Variants in MRAP2 observed in about 807,000 individuals in gnomAD.
MRAP2 encodes melanocortin 2 receptor accessory protein 2.
A neutral mutation model predicts 17.4 loss-of-function variants in MRAP2; 20 were observed. The ratio of observed to expected loss-of-function variants is 1.15; its 90% CI spans 0.81 to 1.67. The LOEUF (loss-of-function observed/expected upper bound fraction) is 1.67. MRAP2 is among the 40% of genes most tolerant of loss of function. The probability of loss-of-function intolerance (pLI) is 0.00; values close to 1 mark genes in which losing one functional copy is unlikely to be tolerated. For synonymous variants in MRAP2, 96 were observed against 88.4 expected (o/e 1.09, Z -0.48); for missense variants, 238 against 240.0 (o/e 0.99, Z 0.05).
rs563934797 is a variant in MRAP2 at position 84,067,555 on chromosome 6, A to AT, written c.227+4569dup. On this transcript the variant is annotated intron_variant, in intron 3 of 3. Coordinates refer to ENST00000257776, the MANE Select transcript of MRAP2 (RefSeq NM_138409.4). Reference sequence around the variant, plus strand: ...CCATGCTAACATCTACTGTTTTTTGATTTTTTGATTATGGCCATTCTTGCA... The same window carrying AT: ...CCATGCTAACATCTACTGTTTTTTGATTTTTTTGATTATGGCCATTCTTGCA... Among the ~76,000 whole-genome samples the AT allele has an allele frequency of 2.9e-4, 44 of 152,040 alleles. No homozygotes were observed. The East Asian group carries it at 7.9e-3, about 27-fold the overall frequency.
the MRAP2 span, among the ~76,000 whole-genome samples, chr6:84,129,298 A>G: frequency 6.6e-6 from 1 of 151,998 alleles, no homozygotes; most frequent in Non-Finnish European, 1.5e-5. Context: ...ACTAATTTAC[A>G]CTCCCACCAA....
intron 3 of MRAP2, among the ~76,000 whole-genome samples, chr6:84,076,640 G>A (rs546742835): frequency 4.2e-4 from 64 of 152,106 alleles, no homozygotes; most frequent in Non-Finnish European, 7.8e-4. Flanking sequence ...GATTACAAAC[G>A]TGAGCCACTG....
At chr6:84,064,051 A>G (rs2099493872) in intron 3 of MRAP2, among the ~76,000 whole-genome samples, 1 of 150,378 alleles carries the variant, frequency 6.6e-6, no homozygotes, top group Non-Finnish European at 1.5e-5. Flanking sequence ...TCTAAAAAAA[A>G]GAAAAAGAAA....
chr6:84,109,140 G>A, the MRAP2 span, among the ~76,000 whole-genome samples: 1 of 152,122 alleles, frequency 6.6e-6, no homozygotes, highest in Non-Finnish European at 1.5e-5. Context: ...GCTTAGGATT[G>A]TCTTGGCTTT....
chr6:84,121,325 T>A, the MRAP2 span, among the ~76,000 whole-genome samples: 75 of 152,060 alleles, frequency 4.9e-4, no homozygotes, highest in Non-Finnish European at 4.0e-4. Context: ...AAATTAGAAA[T>A]CAATACCAAA....
At chr6:84,115,364 G>T in the MRAP2 span, among the ~76,000 whole-genome samples, 1 of 152,206 alleles carries the variant, frequency 6.6e-6, no homozygotes, top group African/African-American at 2.4e-5. Flanking sequence ...CAGCAGCTTT[G>T]TTTACACTGT....
the MRAP2 span, among the ~76,000 whole-genome samples, chr6:84,144,713 T>C: frequency 6.6e-6 from 1 of 152,058 alleles, no homozygotes; most frequent in African/African-American, 2.4e-5. Flanking sequence ...CAAGAATTAA[T>C]TACATGGGAC....
chr6:84,112,399 TTA>T, the MRAP2 span, among the ~76,000 whole-genome samples: 1 of 152,188 alleles, frequency 6.6e-6, no homozygotes, highest in Non-Finnish European at 1.5e-5. Context: ...ACAGGGGTGT[TTA>T]TAGTATTCTT....
At chr6:84,083,261 A>G (rs9449775) in intron 3 of MRAP2, among the ~76,000 whole-genome samples, 33,147 of 152,146 alleles carry the variant, frequency 0.22, 4,493 homozygotes, top group African/African-American at 0.38. Context: ...AACAGCCACC[A>G]TGCCTGGCCT....
At position 84,044,241 on chromosome 6, in the gene MRAP2, C is replaced by A. The variant is rs189586031; in HGVS notation, c.-8+10358C>A. On this transcript the variant is annotated intron_variant, in intron 1 of 3. Coordinates refer to ENST00000257776, the MANE Select transcript of MRAP2 (RefSeq NM_138409.4). ...CGCTCTTGTTGCCCAGGCTGGAGTG[C>A]AATGGCATGATCTCAGCTCACCGCC... Among the ~76,000 whole-genome samples the A allele has an allele frequency of 1.3e-3, 202 of 152,308 alleles. 1 individual carries two copies. The highest frequency in any genetic ancestry group is 4.1e-3 in the African/African-American group (170 of 41,578).
chr6:84,062,439 C>T lies in MRAP2; in HGVS notation c.128-454C>T, dbSNP rs186858792. 32 of 688,498 alleles carry T rather than the reference C, an allele frequency of 4.6e-5. No homozygotes were observed. The Admixed American group carries it at 6.3e-4, about 14-fold the overall frequency. The allele number at this position is 688,498 out of a possible 1,614,324, so 42.6% of individuals were successfully genotyped here. A position where few individuals can be genotyped will look rare whatever the true frequency, so the allele number is the denominator to read the frequency against. ...AATCTATTCTGATTCTGGGAGCTTC[C>T]CGGTTCAAGAATTTTGTTTTCCTTG... On this transcript the variant is annotated intron_variant, in intron 2 of 3. Coordinates refer to ENST00000257776, the MANE Select transcript of MRAP2 (RefSeq NM_138409.4).
chr6:84,114,400 G>A, the MRAP2 span, among the ~76,000 whole-genome samples: 1 of 151,938 alleles, frequency 6.6e-6, no homozygotes, highest in Admixed American at 6.6e-5. Flanking sequence ...GCTTCACAAA[G>A]TTCTCATGTT....
chr6:84,098,865 A>G, the MRAP2 span, among the ~76,000 whole-genome samples: 1 of 152,136 alleles, frequency 6.6e-6, no homozygotes, highest in African/African-American at 2.4e-5. Context: ...TATCAGATAT[A>G]GGATCTGCAA....
Position 84,087,279 on chromosome 6 carries a change from G to A in MRAP2, c.228-1812G>A, listed in dbSNP as rs939020403. Reference sequence around the variant, plus strand: ...CTCGAAGCAGGGAGGGGACTTCCAGGTCGTAAGTAGATAAGAGACAATGGT... The same window carrying A: ...CTCGAAGCAGGGAGGGGACTTCCAGATCGTAAGTAGATAAGAGACAATGGT... On this transcript the variant is annotated intron_variant, in intron 3 of 3. Transcript: ENST00000257776. 2.0e-5 allele frequency among the ~76,000 whole-genome samples: 3 copies of A among 152,188 alleles called. No homozygotes were observed. The highest frequency in any genetic ancestry group is 7.2e-5 in the African/African-American group (3 of 41,432).
chr6:84,033,704 G>A (rs1250179470), upstream of MRAP2: 4 of 985,042 alleles, frequency 4.1e-6, no homozygotes, highest in African/African-American at 1.7e-5. Flanking sequence ...GCCCTGCTCC[G>A]GCGCCCCGCG....
rs761517303 is a variant in MRAP2 at position 84,063,040 on chromosome 6, G to C, written c.227+48G>C. ...TGTCTCTTAAGCCTCACAGGAGACTGAGGAAATAGAAACTACTACCCAGGG... is the reference window on the plus strand; with the variant it reads ...TGTCTCTTAAGCCTCACAGGAGACTCAGGAAATAGAAACTACTACCCAGGG... On this transcript the variant is annotated intron_variant, in intron 3 of 3. Coordinates refer to ENST00000257776, the MANE Select transcript of MRAP2 (RefSeq NM_138409.4). 6 of 1,612,370 alleles carry C rather than the reference G, an allele frequency of 3.7e-6. No individual in the cohort carries two copies. The East Asian group carries it at 1.3e-4, about 36-fold the overall frequency.
chr6:84,099,296 T>C, the MRAP2 span, among the ~76,000 whole-genome samples: 2 of 151,608 alleles, frequency 1.3e-5, no homozygotes, highest in African/African-American at 4.8e-5. Flanking sequence ...TGTCTATATA[T>C]GTGTTGGCTT....
At chr6:84,076,726 T>A (rs2099497724) in intron 3 of MRAP2, among the ~76,000 whole-genome samples, 1 of 152,344 alleles carries the variant, frequency 6.6e-6, no homozygotes, top group South Asian at 2.1e-4. Context: ...CACAGGCTGA[T>A]CTGCCCACCA....
chr6:84,071,996 C>T (rs2099496311), intron 3 of MRAP2, among the ~76,000 whole-genome samples: 1 of 152,000 alleles, frequency 6.6e-6, no homozygotes, highest in African/African-American at 2.4e-5. Context: ...GTTTTTTAGA[C>T]TTCTAGTGTT....
Sources: gnomAD v4.1 joint callset for allele counts (sites outside exome capture counted in the v4.1 genomes callset) on GRCh38, gnomAD v4.1.1 for gene constraint, MANE v1.5 for transcripts, NCBI Gene and HGNC (gene_info 2026-07-23, HGNC 2026-07-21) for gene names.